The following LANCL2 variants were observed in gnomAD, a reference collection of about 807,000 sequenced individuals.
The protein encoded by LANCL2 is lanC-like protein 2.
LANCL2 carries 33 observed loss-of-function variants against 56.9 expected under a neutral mutation model. The observed-to-expected ratio is 0.58, with a 90% confidence interval of 0.44 to 0.78. The LOEUF is 0.78. LANCL2 is among the 30% of genes least tolerant of loss of function. LANCL2 has a pLI of 0.00. For synonymous variants in LANCL2, 233 were observed against 228.2 expected (o/e 1.02, Z -0.19); for missense variants, 562 against 580.2 (o/e 0.97, Z 0.32).
Position 55,366,133 on chromosome 7 carries a change from G to T in LANCL2, c.108G>T (p.Gly36=). 1 of 1,547,738 alleles carries T rather than the reference G, an allele frequency of 6.5e-7. No homozygotes were observed. The highest frequency in any genetic ancestry group is 1.2e-5 in the South Asian group (1 of 83,916). The change falls in exon 1 of 9, where the codon GGG becomes GGT. Residue 36 remains glycine, a synonymous_variant. Transcript: ENST00000254770. ...TCCCGGACTACGAGGCCGCCGCCGG[G>T]GCGCTGCTCGCCTCCGGAGCGGCCG... The part of the protein sequence containing the change: ...NPFPDYEAAA[G]ALLASGAAEE...
In LANCL2 at chr7:55,398,421, A is replaced by G. The variant is rs886892006; in HGVS notation, c.323-2A>G. 1 of 1,610,802 alleles carries G rather than the reference A, an allele frequency of 6.2e-7. No homozygotes were observed. The highest frequency in any genetic ancestry group is 8.5e-7 in the Non-Finnish European group (1 of 1,177,102). Reference sequence around the variant, plus strand: ...TTCTTTTGGGGTGGGAAATTATTCCAGGCATAGCCCTTTTGTACCTGCAGT... The same window carrying G: ...TTCTTTTGGGGTGGGAAATTATTCCGGGCATAGCCCTTTTGTACCTGCAGT... On this transcript the variant is annotated splice_acceptor_variant, in intron 2 of 8. Coordinates refer to ENST00000254770, the MANE Select transcript of LANCL2 (RefSeq NM_018697.4). LOFTEE classifies it high-confidence loss of function.
In LANCL2 at chr7:55,368,562, A is replaced by G. The variant is rs536679525; in HGVS notation, c.204+2333A>G. Among the ~76,000 whole-genome samples, 267 of 151,788 alleles carry G rather than the reference A, an allele frequency of 1.8e-3. 1 individual carries two copies. Among genetic ancestry groups the G allele is most frequent in the African/African-American group, 6.2e-3 (253 of 41,096 alleles). Reference sequence around the variant, plus strand: ...GTTGAACACTGTCTTCCCTATTAATATTTTTTATGATTGACATTAAATTTT... The same window carrying G: ...GTTGAACACTGTCTTCCCTATTAATGTTTTTTATGATTGACATTAAATTTT... On this transcript the variant is annotated intron_variant, in intron 1 of 8. Transcript: ENST00000254770.
chr7:55,395,464 A>G (rs938334081), intron 2 of LANCL2, among the ~76,000 whole-genome samples: 1 of 152,188 alleles, frequency 6.6e-6, no homozygotes, highest in Non-Finnish European at 1.5e-5. Flanking sequence ...AAGATAAAAA[A>G]TCATTTCAGA....
At chr7:55,404,833 C>G (rs576109876) in intron 5 of LANCL2, among the ~76,000 whole-genome samples, 56 of 152,198 alleles carry the variant, frequency 3.7e-4, no homozygotes, top group South Asian at 8.3e-4. Context: ...AGGTTGGTCT[C>G]GAACTCCTGA....
At chr7:55,429,510 G>A (rs1347130190) in intron 8 of LANCL2, among the ~76,000 whole-genome samples, 1 of 152,166 alleles carries the variant, frequency 6.6e-6, no homozygotes, top group Non-Finnish European at 1.5e-5. Flanking sequence ...GTAGTGGTAT[G>A]TCCTGTTTTA....
intron 1 of LANCL2, 149 bp from the exon 2 acceptor site, chr7:55,391,644 C>A: frequency 6.2e-6 from 3 of 481,304 alleles, no homozygotes; most frequent in Non-Finnish European, 7.6e-6. Flanking sequence ...TTATAAAAAC[C>A]AAGATAGACT....
intron 1 of LANCL2, among the ~76,000 whole-genome samples, chr7:55,368,584 T>A (rs566996797): frequency 2.7e-4 from 41 of 152,350 alleles, no homozygotes; most frequent in Middle Eastern, 3.4e-3. Flanking sequence ...TGACATTAAA[T>A]TTTTGGTTTT....
At chr7:55,395,673 T>TTTGTA (rs1325408178) in intron 2 of LANCL2, among the ~76,000 whole-genome samples, 1 of 151,134 alleles carries the variant, frequency 6.6e-6, no homozygotes, top group East Asian at 1.9e-4. Context: ...ATATAAAGAG[T>TTTGTA]TTACAAGTCA....
chr7:55,376,069 G>T (rs1372710427), intron 1 of LANCL2, among the ~76,000 whole-genome samples: 2 of 152,020 alleles, frequency 1.3e-5, no homozygotes, highest in Non-Finnish European at 2.9e-5. Flanking sequence ...TCCCTATTTT[G>T]TGGTCTGTGA....
chr7:55,419,765 T>C (rs1435758449), intron 6 of LANCL2, among the ~76,000 whole-genome samples: 1 of 152,242 alleles, frequency 6.6e-6, no homozygotes, highest in Non-Finnish European at 1.5e-5. Flanking sequence ...ATAGCAGCTG[T>C]GTCAAAGTTG....
intron 1 of LANCL2, among the ~76,000 whole-genome samples, chr7:55,389,413 A>G (rs986229791): frequency 6.6e-6 from 1 of 152,248 alleles, no homozygotes; most frequent in African/African-American, 2.4e-5. Flanking sequence ...ATGTTACACA[A>G]GAGATGGACT....
chr7:55,396,231 C>T (rs1278505344), intron 2 of LANCL2, among the ~76,000 whole-genome samples: 4 of 151,664 alleles, frequency 2.6e-5, no homozygotes, highest in African/African-American at 7.2e-5. Flanking sequence ...TGAACTTTAC[C>T]TCTAGGAGCT....
chr7:55,407,827 C>T (rs1294890251), intron 5 of LANCL2, among the ~76,000 whole-genome samples: 1 of 152,246 alleles, frequency 6.6e-6, no homozygotes, highest in Non-Finnish European at 1.5e-5. Flanking sequence ...TTTTACACAT[C>T]CCGTTGGTCT....
intron 5 of LANCL2, among the ~76,000 whole-genome samples, chr7:55,402,750 T>C (rs1790354215): frequency 8.1e-6 from 1 of 124,120 alleles, no homozygotes; most frequent in Non-Finnish European, 1.8e-5. Flanking sequence ...GAGACGCTCC[T>C]CACTTCTCAG....
chr7:55,426,458 G>A (rs75437426), intron 7 of LANCL2, among the ~76,000 whole-genome samples: 2,087 of 152,318 alleles, frequency 0.014, 48 homozygotes, highest in African/African-American at 0.048. Flanking sequence ...AGGCATTGCG[G>A]CTGATATGTT....
chr7:55,384,755 A>G (rs1464354942), intron 1 of LANCL2, among the ~76,000 whole-genome samples: 2 of 152,168 alleles, frequency 1.3e-5, no homozygotes, highest in Non-Finnish European at 2.9e-5. Flanking sequence ...ACAGAGGAGA[A>G]TGAAATAACA....
In LANCL2 at chr7:55,411,999, C is replaced by T; in HGVS notation, c.918C>T (p.Tyr306=). Residue 306 remains tyrosine (Y), a synonymous_variant, in exon 6 of 9, where the codon TAC becomes TAT. Transcript: ENST00000254770. The part of the protein sequence containing the change: ...VRHKKFRSGN[Y]PSSLSNETDR... ...ACAAAAAATTCCGATCTGGGAATTA[C>T]CCATCATCATTAAGCAATGAAACAG... The T allele has an allele frequency of 6.2e-7, 1 of 1,614,140 alleles. No homozygotes were observed. Among genetic ancestry groups the T allele is most frequent in the Non-Finnish European group, 8.5e-7 (1 of 1,179,974 alleles).
rs141085704 is a variant in LANCL2, at chr7:55,394,870, C to T, written c.322+2960C>T. ...TGCCAGGAGAAGCTGGGAATAAAGG[C>T]ATGGAAAGTGCACAGGGAATGGGGT... On this transcript the variant is annotated intron_variant, in intron 2 of 8. Coordinates refer to ENST00000254770, the MANE Select transcript of LANCL2 (RefSeq NM_018697.4). 5.7e-3 allele frequency among the ~76,000 whole-genome samples: 870 copies of T among 152,162 alleles called. 4 individuals are homozygous for T. The highest frequency in any genetic ancestry group is 0.018 in the African/African-American group (761 of 41,504).
At chr7:55,393,320 C>T (rs181744703) in intron 2 of LANCL2, among the ~76,000 whole-genome samples, 2 of 152,256 alleles carry the variant, frequency 1.3e-5, no homozygotes, top group East Asian at 3.9e-4. Flanking sequence ...ATCACTTGAG[C>T]TCAGGAGTTC....
Sources: allele counts gnomAD v4.1 joint callset (sites outside exome capture counted in the v4.1 genomes callset), GRCh38; gene constraint gnomAD v4.1.1; transcripts MANE v1.5; gene names NCBI Gene and HGNC (gene_info 2026-07-23, HGNC 2026-07-21).